The following SLC47A2 variants were observed in gnomAD, a reference collection of about 807,000 sequenced individuals.
The protein encoded by SLC47A2 is multidrug and toxin extrusion protein 2.
A neutral mutation model predicts 67.7 loss-of-function variants in SLC47A2; 52 were observed. The observed-to-expected ratio is 0.77, with a 90% confidence interval of 0.61 to 0.97. The LOEUF is 0.97. SLC47A2 is among the 50% of genes least tolerant of loss of function. The pLI is 0.00. For synonymous variants in SLC47A2, 278 were observed against 292.9 expected (o/e 0.95, Z 0.52); for missense variants, 676 against 712.3 (o/e 0.95, Z 0.58).
At chr17:19,690,772 C>T (rs2085522842) in intron 13 of SLC47A2, among the ~76,000 whole-genome samples, 1 of 152,066 alleles carries the variant, frequency 6.6e-6, no homozygotes. Context: ...GTTAAAATGG[C>T]TTCTATTCAA....
At chr17:19,693,845 A>G (rs969145356) in intron 13 of SLC47A2, among the ~76,000 whole-genome samples, 1 of 152,064 alleles carries the variant, frequency 6.6e-6, no homozygotes, top group Admixed American at 6.5e-5. Flanking sequence ...CCAAATTGGA[A>G]AGCAGAAGTA....
chr17:19,702,473 G>A lies in SLC47A2; in HGVS notation c.1164+132C>T, dbSNP rs925866895. On this transcript the variant is annotated intron_variant, in intron 13 of 16. Coordinates refer to ENST00000433844, the MANE Select transcript of SLC47A2 (RefSeq NM_001099646.3). The stretch of plus-strand genomic sequence containing the variant: ...GAACTATTATCAGCAAATACTTTGG[G>A]CACTTACTATACAGTTAGCCCTTCA... 94 of 1,472,944 alleles carry A rather than the reference G, an allele frequency of 6.4e-5. No individual in the cohort carries two copies. In the African/African-American group the frequency reaches 1.3e-3, roughly 20 times the overall value. The allele number at this position is 1,472,944 out of a possible 1,614,324, so 91.2% of individuals were successfully genotyped here.
intron 13 of SLC47A2, among the ~76,000 whole-genome samples, chr17:19,688,127 A>C (rs1264601222): frequency 1.3e-5 from 2 of 152,240 alleles, no homozygotes; most frequent in African/African-American, 4.8e-5. Context: ...CATTGATACA[A>C]AAATTCTCAA....
chr17:19,716,128 G>A (rs4925045), intron 1 of SLC47A2: 5 of 348,694 alleles, frequency 1.4e-5, no homozygotes, highest in Non-Finnish European at 2.6e-5. Context: ...GCATCTCTGG[G>A]TCCCATTTGT....
intron 13 of SLC47A2, among the ~76,000 whole-genome samples, chr17:19,688,859 G>A (rs546500078): frequency 6.7e-6 from 1 of 149,428 alleles, no homozygotes; most frequent in Admixed American, 6.7e-5. Flanking sequence ...TGCCCCGCTG[G>A]TGATATCTTT....
Position 19,705,460 on chromosome 17 carries a change from G to A in SLC47A2, c.885C>T (p.Tyr295=), listed in dbSNP as rs4925042. 513,149 of 1,610,510 alleles carry A rather than the reference G, an allele frequency of 0.32. 86,048 individuals carry two copies. The highest frequency in any genetic ancestry group is 0.52 in the East Asian group (23,409 of 44,646). The stretch of plus-strand genomic sequence containing the variant: ...CCATGTAGGTCACAGTGGCCACCTC[G>A]TAGATGACAGCCTGGGCAGAGAGAT... ...VVDLSAQAVI[Y]EVATVTYMIP... The change falls in exon 10 of 17, where the codon TAC becomes TAT. Residue 295 remains tyrosine, a synonymous_variant. Coordinates refer to ENST00000433844, the MANE Select transcript of SLC47A2 (RefSeq NM_001099646.3).
chr17:19,687,907 A>G (rs1289550502), intron 13 of SLC47A2, among the ~76,000 whole-genome samples: 1 of 152,218 alleles, frequency 6.6e-6, no homozygotes, highest in East Asian at 1.9e-4. Context: ...TAAGTCTCCT[A>G]GCAAGCAAAA....
At chr17:19,700,576 C>T (rs1317940712) in intron 13 of SLC47A2, among the ~76,000 whole-genome samples, 1 of 152,166 alleles carries the variant, frequency 6.6e-6, no homozygotes. Flanking sequence ...GCCTGGACAA[C>T]ATGGCAAGAT....
chr17:19,679,451 T>C (rs2085264953), intron 16 of SLC47A2, among the ~76,000 whole-genome samples: 1 of 152,152 alleles, frequency 6.6e-6, no homozygotes, highest in Admixed American at 6.6e-5. Context: ...GAGAGATGTT[T>C]GTCTGCCTGA....
intron 13 of SLC47A2, among the ~76,000 whole-genome samples, chr17:19,691,928 G>T (rs1052400731): frequency 1.3e-4 from 20 of 152,208 alleles, no homozygotes; most frequent in Middle Eastern, 3.4e-3. Flanking sequence ...ACAAAAGTTA[G>T]TTCTTAAGAT....
chr17:19,710,816 CTTT>C (rs34676875), intron 5 of SLC47A2, among the ~76,000 whole-genome samples: 1 of 139,980 alleles, frequency 7.1e-6, no homozygotes. Context: ...ATTCACAAAT[CTTT>C]TTTTTTTTTT....
At chr17:19,711,588 CAA>C (rs35308426) in intron 5 of SLC47A2, among the ~76,000 whole-genome samples, 26 of 32,996 alleles carry the variant, frequency 7.9e-4, no homozygotes, top group Non-Finnish European at 9.7e-4. Context: ...AACTCCGTCT[CAA>C]AAAAAAAAAA....
rs1256660114 is a variant in SLC47A2, at chr17:19,704,113, A to G, written c.975T>C (p.Thr325=). 3 of 1,612,328 alleles carry G rather than the reference A, an allele frequency of 1.9e-6. No homozygotes were observed. The highest frequency in any genetic ancestry group is 2.5e-6 in the Non-Finnish European group (3 of 1,179,820). ...AGACGGCCGAGCGCTTGGCCTGCAC[A>G]GTATCCGCAGCCCCCAGAGCCATCC... The part of the protein sequence containing the change: ...RVGMALGAAD[T]VQAKRSAVSG... The change falls in exon 11 of 17, where the codon ACT becomes ACC. Residue 325 remains threonine, a synonymous_variant. Coordinates refer to ENST00000433844, the MANE Select transcript of SLC47A2 (RefSeq NM_001099646.3).
At chr17:19,689,670 C>T (rs2085498824) in intron 13 of SLC47A2, among the ~76,000 whole-genome samples, 1 of 149,060 alleles carries the variant, frequency 6.7e-6, no homozygotes, top group African/African-American at 2.5e-5. Flanking sequence ...GCACTCCAGC[C>T]TAAGTGACAG....
At chr17:19,693,819 G>T (rs1202850959) in intron 13 of SLC47A2, among the ~76,000 whole-genome samples, 1 of 151,910 alleles carries the variant, frequency 6.6e-6, no homozygotes, top group Non-Finnish European at 1.5e-5. Context: ...AAACAACATT[G>T]TATTGGAGGT....
At chr17:19,679,450 T>C (rs970911011) in intron 16 of SLC47A2, among the ~76,000 whole-genome samples, 7 of 152,130 alleles carry the variant, frequency 4.6e-5, no homozygotes, top group African/African-American at 1.7e-4. Context: ...AGAGAGATGT[T>C]TGTCTGCCTG....
Position 19,716,456 on chromosome 17 carries a change from G to A in SLC47A2, c.100C>T (p.Leu34Phe), listed in dbSNP as rs777732314. ...ACCAGGGGTCCAGAAAGGGCAAAGA[G>A]AGTCCACATCTCAGTCCCAAAGCCT... is the stretch of plus-strand genomic sequence containing the variant. ...PRGFGTEMWT[L>F]FALSGPLFLF... The change falls in exon 1 of 17, where the codon CTC becomes TTC. Residue 34 changes from leucine (L) to phenylalanine (F), a missense_variant. By Grantham distance (22) the Leu-to-Phe change is conservative. Transcript: ENST00000433844. 6.2e-7 allele frequency: 1 copy of A among 1,612,016 alleles called. No homozygotes were observed. Among genetic ancestry groups the A allele is most frequent in the Non-Finnish European group, 8.5e-7 (1 of 1,179,130 alleles).
intron 15 of SLC47A2, among the ~76,000 whole-genome samples, chr17:19,680,455 G>C (rs1335611229): frequency 3.9e-5 from 6 of 152,110 alleles, no homozygotes; most frequent in Non-Finnish European, 2.9e-5. Context: ...ATTCCATCCT[G>C]GGCAACAGAG....
intron 13 of SLC47A2, among the ~76,000 whole-genome samples, chr17:19,699,847 T>C (rs1597615159): frequency 6.6e-6 from 1 of 152,220 alleles, no homozygotes; most frequent in African/African-American, 2.4e-5. Flanking sequence ...AACAGCATTA[T>C]TGATGATAGC....
Sources: allele counts gnomAD v4.1 joint callset (sites outside exome capture counted in the v4.1 genomes callset), GRCh38; gene constraint gnomAD v4.1.1; transcripts MANE v1.5; gene names NCBI Gene and HGNC (gene_info 2026-07-23, HGNC 2026-07-21).